ZBED6: variants seen among roughly 807,000 people sequenced by gnomAD.
ZBED6 encodes the protein zinc finger BED-type containing 6.
A neutral mutation model predicts 58.4 loss-of-function variants in ZBED6; 40 were observed. The ratio of observed to expected loss-of-function variants is 0.68; its 90% CI spans 0.53 to 0.89. The LOEUF (loss-of-function observed/expected upper bound fraction) is 0.89, where lower values mean the gene tolerates loss of function less well. ZBED6 is among the 40% of genes least tolerant of loss of function. ZBED6 has a pLI of 0.00. For missense variants in ZBED6, 1,057 were observed against 1,003.9 expected, an observed-to-expected ratio of 1.05 and a Z score of -0.71; for synonymous variants, 439 against 350.6, an observed-to-expected ratio of 1.25 and a Z score of -2.82.
chr1:203,821,882 C>T (rs1678846522), intron 3 of ZBED6, among the ~76,000 whole-genome samples: 1 of 151,948 alleles, frequency 6.6e-6, no homozygotes, highest in Non-Finnish European at 1.5e-5. Flanking sequence ...TTCAGTCTCC[C>T]GAGTAGCTGG....
chr1:203,799,415 T>C (rs1372504192), exon 1 of ZBED6: 3 of 703,018 alleles, frequency 4.3e-6, no homozygotes, highest in Non-Finnish European at 7.8e-6. Flanking sequence ...AGTTCCAAAA[T>C]GATCACCAAC....
At position 203,805,804 on chromosome 1, in the gene ZBED6, T is replaced by G. The variant is rs556302941; in HGVS notation, c.*2554+2788T>G. The G allele has an allele frequency of 9.0e-5, 71 of 785,400 alleles. No individual in the cohort carries two copies. In the Admixed American group the frequency reaches 1.3e-3, roughly 14 times the overall value. 48.7% of individuals were successfully genotyped at this position (785,400 alleles called of 1,614,324 possible). On this transcript the variant is annotated intron_variant, in intron 1 of 16. Transcript: ENST00000550078. The stretch of plus-strand genomic sequence containing the variant: ...TGCTTCTAGGTTGTCTTCATCTAAT[T>G]CTGGGCCGCCATAACTGCGACTCAG...
chr1:203,852,853 A>G (rs180808990), exon 17 of ZBED6: 1,945 of 178,142 alleles, frequency 0.011, 13 homozygotes, highest in Middle Eastern at 0.018. Context: ...TGCTACCACT[A>G]AACAAAAATA....
rs1682487000 is a variant in ZBED6, at chr1:203,831,837, C to T, written c.*3510+66C>T. 9 of 1,289,126 alleles carry T rather than the reference C, an allele frequency of 7.0e-6. No individual in the cohort carries two copies. The South Asian group carries it at 1.1e-4, about 16-fold the overall frequency. 79.9% of individuals were successfully genotyped at this position (1,289,126 alleles called of 1,614,324 possible). ...TTTATATAATTGGGAATGCAAAATC[C>T]TTGGGTATCTTTTACCTTTGATGAA... is the stretch of plus-strand genomic sequence containing the variant. On this transcript the variant is annotated intron_variant, in intron 8 of 16. Transcript: ENST00000550078.
At chr1:203,839,040 G>T (rs1685260925) in intron 10 of ZBED6, among the ~76,000 whole-genome samples, 1 of 151,724 alleles carries the variant, frequency 6.6e-6, no homozygotes, top group Admixed American at 6.6e-5. Flanking sequence ...CCATTACCTT[G>T]CCTGCAATAT....
chr1:203,852,718 A>C, exon 17 of ZBED6: 1 of 340,552 alleles, frequency 2.9e-6, no homozygotes, highest in Non-Finnish European at 5.4e-6. Context: ...TGACTCCTTG[A>C]GGTGTTTGTC....
exon 17 of ZBED6, chr1:203,852,417 C>G (rs764284296): frequency 6.2e-7 from 1 of 1,604,514 alleles, no homozygotes; most frequent in Admixed American, 1.7e-5. Context: ...AGTGAGGACA[C>G]TTTAAAAAAA....
chr1:203,850,915 C>A, intron 15 of ZBED6, 142 bp from the exon 16 acceptor site: 1 of 1,214,130 alleles, frequency 8.2e-7, no homozygotes, highest in Non-Finnish European at 1.2e-6. Context: ...TATTTATATA[C>A]TCAACCTTTA....
At chr1:203,818,031 G>GC (rs1047853409) in intron 2 of ZBED6, among the ~76,000 whole-genome samples, 2 of 152,066 alleles carry the variant, frequency 1.3e-5, no homozygotes, top group African/African-American at 4.8e-5. Flanking sequence ...ACAGGCGTGA[G>GC]CCCCCACGCC....
At chr1:203,799,114 C>A in exon 1 of ZBED6, 1 of 1,530,980 alleles carries the variant, frequency 6.5e-7, no homozygotes, top group Non-Finnish European at 8.8e-7. Flanking sequence ...ACAGGTTTGG[C>A]TAAAGACTGT....
At chr1:203,814,720 A>G (rs1030038861) in intron 1 of ZBED6, among the ~76,000 whole-genome samples, 2 of 152,120 alleles carry the variant, frequency 1.3e-5, no homozygotes, top group African/African-American at 2.4e-5. Context: ...AGCTGCTTAC[A>G]TATTTTTAGA....
exon 1 of ZBED6, chr1:203,797,887 A>G (rs1669149522): frequency 6.5e-7 from 1 of 1,536,138 alleles, no homozygotes; most frequent in Non-Finnish European, 8.7e-7. Context: ...ATAGAAAAAC[A>G]GATCTATCTA....
chr1:203,831,621 T>A (rs761822073), intron 7 of ZBED6, 40 bp from the exon 8 acceptor site: 12 of 1,560,242 alleles, frequency 7.7e-6, no homozygotes, highest in Non-Finnish European at 8.8e-6. Flanking sequence ...AGCATTATTT[T>A]CCATAAATTA....
Position 203,837,796 on chromosome 1 carries a change from C to T in ZBED6, c.*3574-170C>T, listed in dbSNP as rs115051178. Among the ~76,000 whole-genome samples the T allele has an allele frequency of 6.5e-3, 986 of 152,202 alleles. 9 individuals are homozygous for T. The highest frequency in any genetic ancestry group is 0.022 in the African/African-American group (927 of 41,528). On this transcript the variant is annotated intron_variant, in intron 9 of 16. Coordinates refer to ENST00000550078, the Ensembl canonical transcript of ZBED6. ...CCTTGCCTTCCTTACCTCTTTTCTC[C>T]GACATTTTTATGTTTCTAACATTGA...
chr1:203,797,198 C>T, exon 1 of ZBED6: 1 of 176,590 alleles, frequency 5.7e-6, no homozygotes, highest in Non-Finnish European at 1.2e-5. Flanking sequence ...TGGCTTCTAG[C>T]TGCTACTAAC....
chr1:203,844,726 A>G (rs1400008359), intron 11 of ZBED6, among the ~76,000 whole-genome samples: 1 of 152,108 alleles, frequency 6.6e-6, no homozygotes, highest in Non-Finnish European at 1.5e-5. Context: ...GTATGGACTG[A>G]AGATGGGAGG....
chr1:203,813,216 T>G (rs182314159), intron 1 of ZBED6, among the ~76,000 whole-genome samples: 206 of 148,506 alleles, frequency 1.4e-3, no homozygotes, highest in Middle Eastern at 3.4e-3. Context: ...TTGTTTTTTG[T>G]TTTTTTTTGG....
Position 203,796,694 on chromosome 1 carries a change from G to A in ZBED6, c.-829G>A, listed in dbSNP as rs1278665764. On this transcript the variant is annotated 5_prime_UTR_variant, in exon 1 of 17. The change abolishes the stop of an existing upstream ORF in the 5' untranslated region. Transcript: ENST00000550078. ...TATTTCACTTTTTGCTATCTCTATAGCGTACAACTTGTGAGTTACTTACAG... is the reference window on the plus strand; with the variant it reads ...TATTTCACTTTTTGCTATCTCTATAACGTACAACTTGTGAGTTACTTACAG... The A allele has an allele frequency of 2.7e-6, 1 of 373,592 alleles. No homozygotes were observed. Among genetic ancestry groups the A allele is most frequent in the East Asian group, 3.8e-5 (1 of 25,988 alleles). 23.1% of individuals were successfully genotyped at this position (373,592 alleles called of 1,614,324 possible).
chr1:203,852,023 A>T (rs2103483217), intron 16 of ZBED6, 118 bp from the exon 17 acceptor site: 1 of 596,676 alleles, frequency 1.7e-6, no homozygotes, highest in Non-Finnish European at 2.8e-6. Flanking sequence ...TAAAAGAATT[A>T]TTTCTTTATG....
Sources: allele counts gnomAD v4.1 joint callset (sites outside exome capture counted in the v4.1 genomes callset), GRCh38; gene constraint gnomAD v4.1.1; transcripts MANE v1.5; gene names NCBI Gene and HGNC (gene_info 2026-07-23, HGNC 2026-07-21).